The following SRGN variants were observed in gnomAD, a reference collection of about 807,000 sequenced individuals.
SRGN encodes the protein hematopoetic proteoglycan core peptide.
In SRGN, 2 loss-of-function variants were observed where a neutral mutation model predicts 9.5. That is an observed-to-expected ratio of 0.21 (90% CI 0.09 to 0.66). The LOEUF is 0.66. Among genes scored for constraint, SRGN ranks in the 30% least tolerant of loss-of-function variants. SRGN has a pLI of 0.83. For missense variants in SRGN, 170 were observed against 192.4 expected (o/e 0.88, Z 0.69); for synonymous variants, 59 against 72.3 (o/e 0.82, Z 0.93).
At chr10:69,100,990 T>C (rs79721752) in intron 2 of SRGN, among the ~76,000 whole-genome samples, 22,730 of 149,258 alleles carry the variant, frequency 0.15, 2,121 homozygotes, top group Middle Eastern at 0.3. Context: ...TCTTTCTTTT[T>C]TTTTTTTTTT....
At position 69,093,774 on chromosome 10, in the gene SRGN, G is replaced by A. The variant is rs536628561; in HGVS notation, c.80-3310G>A. Among the ~76,000 whole-genome samples, 4 of 152,290 alleles carry A rather than the reference G, an allele frequency of 2.6e-5. No homozygotes were observed. In the South Asian group the frequency reaches 8.3e-4, roughly 32 times the overall value. On this transcript the variant is annotated intron_variant, in intron 1 of 2. Transcript: ENST00000242465. ...TCCAGCTAGTCGGGAGGCTGAGGCA[G>A]GAGAATAGCTTAAACCCAGGTGGCG...
At chr10:69,091,906 AAAGAAAAAG>A (rs1840067550) in intron 1 of SRGN, among the ~76,000 whole-genome samples, 1 of 91,264 alleles carries the variant, frequency 1.1e-5, no homozygotes, top group Non-Finnish European at 2.9e-5. Flanking sequence ...AAAAAAAAAA[AAAGAAAAAG>A]AAAAGAAAAG....
chr10:69,090,567 G>A (rs923940201), intron 1 of SRGN, among the ~76,000 whole-genome samples: 1 of 152,156 alleles, frequency 6.6e-6, no homozygotes, highest in Non-Finnish European at 1.5e-5. Flanking sequence ...CCATGCATCC[G>A]TGTCTTAATA....
At position 69,088,121 on chromosome 10, in the gene SRGN, G is replaced by A. The variant is rs774758527; in HGVS notation, c.-37G>A. On this transcript the variant is annotated 5_prime_UTR_variant, in exon 1 of 3. Coordinates refer to ENST00000242465, the MANE Select transcript of SRGN (RefSeq NM_002727.4). Reference sequence around the variant, plus strand: ...CCCTGCTACATTTCCTAATCAAGAAGTTGGCGTGCAGCTGGGAGAGCTAGA... The same window carrying A: ...CCCTGCTACATTTCCTAATCAAGAAATTGGCGTGCAGCTGGGAGAGCTAGA... 1.9e-6 allele frequency: 3 copies of A among 1,583,778 alleles called. No homozygotes were observed. The highest frequency in any genetic ancestry group is 2.6e-6 in the Non-Finnish European group (3 of 1,152,406).
intron 1 of SRGN, among the ~76,000 whole-genome samples, chr10:69,095,911 C>CAATAAAATAAAATAA (rs57868663): frequency 0.019 from 2,767 of 149,482 alleles, 30 homozygotes; most frequent in Middle Eastern, 0.034. Context: ...GACTCTCTCT[C>CAATAAAATAAAATAA]AATAAAATAA....
intron 2 of SRGN, among the ~76,000 whole-genome samples, chr10:69,099,254 G>A (rs759452968): frequency 6.6e-6 from 1 of 151,100 alleles, no homozygotes; most frequent in Non-Finnish European, 1.5e-5. Context: ...TAATCATCAT[G>A]CTCCAAACCA....
rs1258173513 is a variant in SRGN at position 69,104,404 on chromosome 10, A to C, written c.*284A>C. On this transcript the variant is annotated 3_prime_UTR_variant, in exon 3 of 3. Transcript: ENST00000242465. The stretch of plus-strand genomic sequence containing the variant: ...ATTCCCATGGCCATAAAATGGCTTT[A>C]AAGAATATATATATATTTTTAAAGT... 1 of 211,944 alleles carries C rather than the reference A, an allele frequency of 4.7e-6. No homozygotes were observed. The highest frequency in any genetic ancestry group is 9.5e-6 in the Non-Finnish European group (1 of 105,528). 13.1% of individuals were successfully genotyped at this position (211,944 alleles called of 1,614,324 possible).
At chr10:69,099,983 G>A (rs1436795076) in intron 2 of SRGN, among the ~76,000 whole-genome samples, 1 of 152,096 alleles carries the variant, frequency 6.6e-6, no homozygotes, top group Non-Finnish European at 1.5e-5. Context: ...CCAACACTTT[G>A]GGAGGCCGAG....
At chr10:69,088,281 C>T (rs1839980626) in intron 1 of SRGN, 45 bp downstream of exon 1, 1 of 1,494,072 alleles carries the variant, frequency 6.7e-7, no homozygotes, top group Admixed American at 1.7e-5. Flanking sequence ...CTCTGTAAGC[C>T]CTGTGGTCCA....
chr10:69,089,993 G>A (rs1840017097), intron 1 of SRGN, among the ~76,000 whole-genome samples: 1 of 152,214 alleles, frequency 6.6e-6, no homozygotes, highest in Non-Finnish European at 1.5e-5. Flanking sequence ...TAGCATTTAT[G>A]TCATGACCTC....
At chr10:69,099,491 A>T (rs550107998) in intron 2 of SRGN, among the ~76,000 whole-genome samples, 9 of 151,894 alleles carry the variant, frequency 5.9e-5, no homozygotes, top group Admixed American at 5.2e-4. Context: ...TTTTGTAGAG[A>T]CAGGGGTCTC....
intron 1 of SRGN, among the ~76,000 whole-genome samples, chr10:69,093,809 G>T (rs2132155111): frequency 6.6e-6 from 1 of 152,286 alleles, no homozygotes; most frequent in East Asian, 1.9e-4. Context: ...GGAGGGTGCA[G>T]TGAGCTGAGA....
chr10:69,093,605 C>T (rs181530910), intron 1 of SRGN, among the ~76,000 whole-genome samples: 4 of 152,236 alleles, frequency 2.6e-5, no homozygotes, highest in Admixed American at 2.0e-4. Context: ...AGGCCGGGCG[C>T]GGTGGCTCAC....
intron 1 of SRGN, among the ~76,000 whole-genome samples, chr10:69,088,440 TC>T (rs1238522607): frequency 6.6e-6 from 1 of 152,228 alleles, no homozygotes; most frequent in Admixed American, 6.5e-5. Context: ...GCGTGTGCAG[TC>T]TTGTAAACTC....
intron 2 of SRGN, chr10:69,098,725 G>C (rs1840229955): frequency 1.3e-5 from 2 of 152,214 alleles, no homozygotes; most frequent in Admixed American, 1.3e-4. Flanking sequence ...TTGGGAGGCT[G>C]AGGTGGGAGG....
chr10:69,097,886 T>C (rs954387949), intron 2 of SRGN, among the ~76,000 whole-genome samples: 1 of 152,190 alleles, frequency 6.6e-6, no homozygotes, highest in African/African-American at 2.4e-5. Flanking sequence ...TTAAAGTGTC[T>C]GTAATTTCAC....
At chr10:69,092,729 G>T (rs746509619) in intron 1 of SRGN, among the ~76,000 whole-genome samples, 1 of 151,328 alleles carries the variant, frequency 6.6e-6, no homozygotes, top group Non-Finnish European at 1.5e-5. Context: ...GGGAGGTGGA[G>T]GTTGCAGTGA....
At chr10:69,095,307 CA>C (rs59117562) in intron 1 of SRGN, among the ~76,000 whole-genome samples, 62,369 of 117,470 alleles carry the variant, frequency 0.53, 15,098 homozygotes, top group Middle Eastern at 0.68. Flanking sequence ...GACTTCATCT[CA>C]AAAAAAAAAA....
At chr10:69,097,917 GGAGTGTTTTTCTTCAAGCTGTCCA>G (rs1209689938) in intron 2 of SRGN, among the ~76,000 whole-genome samples, 2 of 152,132 alleles carry the variant, frequency 1.3e-5, no homozygotes, top group African/African-American at 2.4e-5. Flanking sequence ...CACAGATGTG[GGAGTGTTTTTCTTCAAGCTGTCCA>G]GAGTGTTTTG....
Sources: allele counts gnomAD v4.1 joint callset (sites outside exome capture counted in the v4.1 genomes callset), GRCh38; gene constraint gnomAD v4.1.1; transcripts MANE v1.5; gene names NCBI Gene and HGNC (gene_info 2026-07-23, HGNC 2026-07-21).